Variants in CA4 observed in about 807,000 individuals in gnomAD.
CA4 encodes CA-IV.
Under a neutral mutation model 34.5 loss-of-function variants are expected in CA4, and 24 were observed. The observed-to-expected ratio is 0.70, with a 90% CI of 0.50 to 0.98. The LOEUF is 0.98. CA4 is among the 50% of genes least tolerant of loss of function. The pLI is 0.00. For synonymous variants in CA4, 178 were observed against 170.6 expected (o/e 1.04, Z -0.34); for missense variants, 394 against 396.7 (o/e 0.99, Z 0.06).
chr17:60,151,565 T>C (rs2083592464), intron 1 of CA4: 1 of 152,274 alleles, frequency 6.6e-6, no homozygotes, highest in Non-Finnish European at 1.5e-5. Flanking sequence ...AAAACAGGTG[T>C]TGTCATTCTG....
rs1014094305 is a variant in CA4, at chr17:60,159,052, G to A, written c.745-178G>A. On this transcript the variant is annotated intron_variant, in intron 7 of 7. Transcript: ENST00000300900. The stretch of plus-strand genomic sequence containing the variant: ...GGCACTTAGCCTTCACCCATGCCAC[G>A]CACCTCATTTACATCCCCTATTCTT... 85 of 656,162 alleles carry A rather than the reference G, an allele frequency of 1.3e-4. 2 individuals carry two copies. The highest frequency in any genetic ancestry group is 7.2e-5 in the Non-Finnish European group (26 of 360,476). 40.6% of individuals were successfully genotyped at this position (656,162 alleles called of 1,614,324 possible).
chr17:60,172,043 C>T (rs2083915714), downstream of CA4, among the ~76,000 whole-genome samples: 1 of 151,894 alleles, frequency 6.6e-6, no homozygotes, highest in African/African-American at 2.4e-5. Flanking sequence ...TCTCCTACTC[C>T]ATTCTGGAGG....
chr17:60,156,050 C>T (rs1464847383), intron 2 of CA4, among the ~76,000 whole-genome samples: 1 of 152,142 alleles, frequency 6.6e-6, no homozygotes, highest in African/African-American at 2.4e-5. Flanking sequence ...ACCAGCTCCT[C>T]CAGGGTTACT....
the CA4 span, among the ~76,000 whole-genome samples, chr17:60,176,905 G>C: frequency 6.6e-6 from 1 of 152,172 alleles, no homozygotes; most frequent in Non-Finnish European, 1.5e-5. Context: ...AATAGGGTTC[G>C]TTCTCCTGTG....
chr17:60,175,241 A>G (rs576509117), downstream of CA4, among the ~76,000 whole-genome samples: 16 of 138,976 alleles, frequency 1.2e-4, no homozygotes, highest in Admixed American at 5.1e-4. Context: ...TATTGCTCAG[A>G]CTGGTCTTGA....
At position 60,158,274 on chromosome 17, in the gene CA4, C is replaced by T; in HGVS notation, c.581-9C>T. ...CCCTCACTGACAGTGTCCTCTGCCC[C>T]TATCTCAGAGATGAGCACTACGATG... On this transcript the variant is annotated splice_polypyrimidine_tract_variant and intron_variant, in intron 6 of 7. Transcript: ENST00000300900. The T allele has an allele frequency of 6.2e-7, 1 of 1,614,054 alleles. No individual in the cohort carries two copies. The highest frequency in any genetic ancestry group is 8.5e-7 in the Non-Finnish European group (1 of 1,179,938).
chr17:60,164,365 TG>T (rs1219360286), downstream of CA4, among the ~76,000 whole-genome samples: 40 of 150,706 alleles, frequency 2.7e-4, no homozygotes, highest in Middle Eastern at 3.4e-3. Flanking sequence ...TCTGTCTGTC[TG>T]TCTGTCTTTC....
rs1344965322 is a variant in CA4, at chr17:60,157,269, CA to C, written c.269-157del. On this transcript the variant is annotated intron_variant, in intron 3 of 7. Transcript: ENST00000300900. The stretch of plus-strand genomic sequence containing the variant: ...GCCAGGGAAAGGTCCGGGGCTGTCC[CA>C]CCCTGTCCCACCCCGCGCCACCCCT... Among the ~76,000 whole-genome samples the C allele has an allele frequency of 3.3e-5, 5 of 152,320 alleles. No individual in the cohort carries two copies. In the South Asian group the frequency reaches 1.0e-3, roughly 32 times the overall value.
At chr17:60,167,305 C>T (rs1310086373) in intron 5 of CA4, among the ~76,000 whole-genome samples, 1 of 152,130 alleles carries the variant, frequency 6.6e-6, no homozygotes, top group African/African-American at 2.4e-5. Context: ...AGCCCTGGAG[C>T]GCTCTCCCCC....
At chr17:60,161,876 C>A (rs1037610866), downstream of CA4, among the ~76,000 whole-genome samples, 4 of 152,100 alleles carry the variant, frequency 2.6e-5, no homozygotes, top group East Asian at 1.9e-4. Flanking sequence ...AGCTGCCCCC[C>A]AAAGGATCAG....
intron 5 of CA4, 72 bp downstream of exon 5, chr17:60,157,860 G>T: frequency 6.6e-7 from 1 of 1,521,622 alleles, no homozygotes; most frequent in South Asian, 1.1e-5. Context: ...AGAGACCTGG[G>T]ACTCCAGCGA....
intron 1 of CA4, among the ~76,000 whole-genome samples, chr17:60,153,695 T>C (rs1412848720): frequency 6.6e-6 from 1 of 152,194 alleles, no homozygotes; most frequent in Non-Finnish European, 1.5e-5. Context: ...CTGTGGAGAC[T>C]GAGCAAAGGC....
At chr17:60,161,887 G>T (rs562065252), downstream of CA4, among the ~76,000 whole-genome samples, 1 of 152,066 alleles carries the variant, frequency 6.6e-6, no homozygotes, top group Non-Finnish European at 1.5e-5. Flanking sequence ...AAAGGATCAG[G>T]GCTCTGAGGT....
rs777639074 is a variant in CA4 at position 60,157,535 on chromosome 17, C to T, written c.377C>T (p.Ser126Leu). The change falls in exon 4 of 8, where the codon TCG becomes TTG. Residue 126 changes from serine (S) to leucine (L), a missense_variant. Physicochemically the swap from Ser to Leu is moderately radical, Grantham distance 145 (BLOSUM62 -2). Transcript: ENST00000300900. ...TGGTCCGACTTGCCATATAAGGGCT[C>T]GGAGCACAGCCTCGATGGGGAGCAC... ...LHWSDLPYKG[S>L]EHSLDGEHFA... The T allele has an allele frequency of 5.6e-6, 9 of 1,614,152 alleles. No individual in the cohort carries two copies. Among genetic ancestry groups the T allele is most frequent in the East Asian group, 4.5e-5 (2 of 44,876 alleles).
intron 2 of CA4, among the ~76,000 whole-genome samples, chr17:60,155,652 T>A (rs1482997696): frequency 1.4e-5 from 2 of 147,026 alleles, no homozygotes; most frequent in African/African-American, 2.5e-5. Context: ...ACACACACAC[T>A]CACACTCACA....
downstream of CA4, among the ~76,000 whole-genome samples, chr17:60,162,987 GC>G (rs1039131643): frequency 6.6e-6 from 1 of 152,166 alleles, no homozygotes; most frequent in African/African-American, 2.4e-5. Flanking sequence ...CGCCTCTTTG[GC>G]CCCCTGTTTA....
downstream of CA4, among the ~76,000 whole-genome samples, chr17:60,164,396 T>C (rs1198812838): frequency 1.3e-5 from 2 of 151,452 alleles, no homozygotes; most frequent in Non-Finnish European, 1.5e-5. Flanking sequence ...TTCTTTTTTC[T>C]TTTTCTTTCT....
downstream of CA4, among the ~76,000 whole-genome samples, chr17:60,163,338 G>T (rs148924720): frequency 3.7e-3 from 570 of 152,264 alleles, no homozygotes; most frequent in Non-Finnish European, 6.8e-3. Context: ...GTGTGTTGGG[G>T]TGGGAAGAGG....
chr17:60,155,523 A>ACACACT (rs1470282977), intron 2 of CA4, among the ~76,000 whole-genome samples, 156 bp downstream of exon 2: 89 of 146,386 alleles, frequency 6.1e-4, no homozygotes, highest in African/African-American at 2.0e-3. Flanking sequence ...ACACACACAC[A>ACACACT]CTCTCTCTCT....
Sources: allele counts gnomAD v4.1 joint callset (sites outside exome capture counted in the v4.1 genomes callset), GRCh38; gene constraint gnomAD v4.1.1; transcripts MANE v1.5; gene names NCBI Gene and HGNC (gene_info 2026-07-23, HGNC 2026-07-21).